AHI1: variants seen among roughly 807,000 people sequenced by gnomAD.
AHI1 encodes Abelson helper integration site 1.
Under a neutral mutation model 149.3 loss-of-function variants are expected in AHI1, and 123 were observed. That is an observed-to-expected ratio of 0.82 (90% CI 0.71 to 0.96). AHI1 has a LOEUF of 0.96. Among genes scored for constraint, AHI1 ranks in the 40% least tolerant of loss-of-function variants. The probability of loss-of-function intolerance (pLI) is 0.00; values close to 1 mark genes in which losing one functional copy is unlikely to be tolerated. For missense variants in AHI1, 1,439 were observed against 1,422.7 expected (o/e 1.01, Z -0.18); for synonymous variants, 475 against 459.8 (o/e 1.03, Z -0.42).
chr6:135,353,079 GA>G (rs1024774528), intron 24 of AHI1, among the ~76,000 whole-genome samples: 4 of 151,752 alleles, frequency 2.6e-5, no homozygotes, highest in South Asian at 2.1e-4. Context: ...ATGCTAATGG[GA>G]AAAAAATCAA....
At chr6:135,324,056 A>G (rs1000019895) in intron 24 of AHI1, among the ~76,000 whole-genome samples, 1 of 152,232 alleles carries the variant, frequency 6.6e-6, no homozygotes, top group African/African-American at 2.4e-5. Context: ...ATGGTGGCTC[A>G]TGCCTGTAGT....
intron 23 of AHI1, among the ~76,000 whole-genome samples, chr6:135,380,740 C>CA (rs1776633481): frequency 3.3e-5 from 4 of 122,848 alleles, no homozygotes; most frequent in African/African-American, 7.8e-5. Context: ...AACCCCCCCC[C>CA]CCCCAAAAAA....
At chr6:135,352,774 A>T (rs1792351222) in intron 24 of AHI1, among the ~76,000 whole-genome samples, 1 of 148,342 alleles carries the variant, frequency 6.7e-6, no homozygotes, top group Non-Finnish European at 1.5e-5. Context: ...GTGTGTGTAT[A>T]CATATATCTA....
intron 4 of AHI1, 97 bp downstream of exon 4, chr6:135,492,131 A>T: frequency 1.2e-6 from 1 of 851,516 alleles, no homozygotes; most frequent in Non-Finnish European, 1.8e-6. Flanking sequence ...CATCTACTGT[A>T]TTCATTAATC....
intron 26 of AHI1, among the ~76,000 whole-genome samples, chr6:135,311,177 C>G (rs1785149029): frequency 6.6e-6 from 1 of 151,690 alleles, no homozygotes; most frequent in Admixed American, 6.6e-5. Flanking sequence ...TGGCCCACAT[C>G]TGTAGTCCAA....
intron 13 of AHI1, among the ~76,000 whole-genome samples, chr6:135,444,277 ACAATTGTTATTTTTCTCACT>A (rs1321704558): frequency 6.6e-6 from 1 of 152,126 alleles, no homozygotes; most frequent in Admixed American, 6.6e-5. Context: ...ATCCTCAAAT[ACAATTGTTATTTTTCTCACT>A]CACCCGAAAA....
chr6:135,308,047 A>C (rs1339093812), intron 26 of AHI1, among the ~76,000 whole-genome samples: 1 of 152,200 alleles, frequency 6.6e-6, no homozygotes, highest in Non-Finnish European at 1.5e-5. Context: ...GGTGACGGAG[A>C]ACTTCCAAAA....
chr6:135,435,391 C>T (rs1300553085), intron 15 of AHI1, among the ~76,000 whole-genome samples: 1 of 152,132 alleles, frequency 6.6e-6, no homozygotes, highest in Non-Finnish European at 1.5e-5. Flanking sequence ...ATAATAACTA[C>T]AAACCTATGA....
intron 22 of AHI1, among the ~76,000 whole-genome samples, chr6:135,404,371 T>C (rs1026684937): frequency 1.3e-5 from 2 of 152,216 alleles, no homozygotes; most frequent in South Asian, 2.1e-4. Context: ...TACACTACCA[T>C]TTTTAGACTA....
At chr6:135,403,871 T>C (rs1487331112) in intron 22 of AHI1, among the ~76,000 whole-genome samples, 1 of 152,018 alleles carries the variant, frequency 6.6e-6, no homozygotes. Context: ...AAGTGATGGG[T>C]TCTGTGACTG....
At chr6:135,351,661 T>C (rs1368108201) in intron 24 of AHI1, among the ~76,000 whole-genome samples, 4 of 152,182 alleles carry the variant, frequency 2.6e-5, no homozygotes, top group Admixed American at 6.5e-5. Context: ...GAGGTAAGTT[T>C]AGAAAAGTAG....
chr6:135,389,481 G>A (rs904580983), intron 23 of AHI1, among the ~76,000 whole-genome samples: 3 of 152,030 alleles, frequency 2.0e-5, no homozygotes, highest in Non-Finnish European at 4.4e-5. Flanking sequence ...CAAAACATTC[G>A]ATTAAATGGT....
chr6:135,421,597 T>C (rs1783165502), intron 20 of AHI1, among the ~76,000 whole-genome samples: 1 of 152,144 alleles, frequency 6.6e-6, no homozygotes, highest in Admixed American at 6.5e-5. Flanking sequence ...TACTCCAGTC[T>C]TTGTTGTTGT....
chr6:135,448,014 A>G (rs1054921352), intron 12 of AHI1, among the ~76,000 whole-genome samples: 6 of 152,168 alleles, frequency 3.9e-5, no homozygotes, highest in African/African-American at 1.4e-4. Context: ...TACAGAAACT[A>G]TTTTTCAACT....
At chr6:135,472,043 A>AAAAAAAAAAAAAAAAAAT in intron 5 of AHI1, among the ~76,000 whole-genome samples, 1 of 149,874 alleles carries the variant, frequency 6.7e-6, no homozygotes, top group Non-Finnish European at 1.5e-5. Context: ...AAAAAAAAAA[A>AAAAAAAAAAAAAAAAAAT]AAAAAAGATA....
intron 24 of AHI1, among the ~76,000 whole-genome samples, chr6:135,343,952 A>C (rs1790763445): frequency 6.6e-6 from 1 of 152,036 alleles, no homozygotes; most frequent in South Asian, 2.1e-4. Context: ...GAAAGAGAAA[A>C]GACAACCTAC....
intron 5 of AHI1, among the ~76,000 whole-genome samples, chr6:135,479,257 A>C (rs1793211684): frequency 6.6e-6 from 1 of 152,190 alleles, no homozygotes; most frequent in Non-Finnish European, 1.5e-5. Flanking sequence ...AGAATTGTAG[A>C]TCCAGATAGT....
intron 22 of AHI1, among the ~76,000 whole-genome samples, chr6:135,398,062 T>TG (rs1779495662): frequency 2.0e-5 from 3 of 147,148 alleles, no homozygotes; most frequent in African/African-American, 7.5e-5. Flanking sequence ...CAGGATGTTT[T>TG]TTTTTTTTTT....
chr6:135,384,754 G>A (rs1300063824), intron 23 of AHI1, among the ~76,000 whole-genome samples: 1 of 152,114 alleles, frequency 6.6e-6, no homozygotes, highest in Non-Finnish European at 1.5e-5. Context: ...TTATAAACTT[G>A]CACTGGCCCA....
Sources: allele counts gnomAD v4.1 joint callset (sites outside exome capture counted in the v4.1 genomes callset), GRCh38; gene constraint gnomAD v4.1.1; transcripts MANE v1.5; gene names NCBI Gene and HGNC (gene_info 2026-07-23, HGNC 2026-07-21).